Variants in CMIP observed in about 807,000 individuals in gnomAD.
The protein encoded by CMIP is c-Maf inducing protein, also known as C-Maf-inducing protein.
A neutral mutation model predicts 97.3 loss-of-function variants in CMIP; 13 were observed. The ratio of observed to expected loss-of-function variants is 0.13; its 90% confidence interval spans 0.09 to 0.21. The LOEUF is 0.21. Among genes scored for constraint, CMIP ranks in the 10% least tolerant of loss-of-function variants. The pLI, the probability that CMIP is intolerant of heterozygous loss-of-function variation, is 1.00. For missense variants in CMIP, 847 were observed against 1,024.9 expected (o/e 0.83, Z 2.37); for synonymous variants, 538 against 436.3 (o/e 1.23, Z -2.91).
At chr16:81,661,905 T>A (rs992283990) in intron 6 of CMIP, among the ~76,000 whole-genome samples, 6 of 152,100 alleles carry the variant, frequency 3.9e-5, no homozygotes, top group African/African-American at 1.4e-4. Flanking sequence ...GTGCCCAGGG[T>A]ACCTGTCAGG....
chr16:81,695,154 A>C (rs912073850), intron 13 of CMIP, among the ~76,000 whole-genome samples: 1 of 152,182 alleles, frequency 6.6e-6, no homozygotes, highest in Non-Finnish European at 1.5e-5. Flanking sequence ...GGAAGGAGCC[A>C]GCTCCCCTGG....
intron 1 of CMIP, among the ~76,000 whole-genome samples, chr16:81,548,038 G>A (rs1316019189): frequency 1.3e-5 from 2 of 152,072 alleles, no homozygotes; most frequent in Non-Finnish European, 2.9e-5. Context: ...ACAGCGGCTG[G>A]CATTTATCTA....
At chr16:81,505,733 G>A (rs142593792) in intron 1 of CMIP, among the ~76,000 whole-genome samples, 161 of 152,336 alleles carry the variant, frequency 1.1e-3, no homozygotes, top group African/African-American at 3.6e-3. Flanking sequence ...GCTCATGCCT[G>A]TAATCCCAGC....
intron 1 of CMIP, among the ~76,000 whole-genome samples, chr16:81,522,582 A>C (rs141078822): frequency 6.6e-6 from 1 of 152,264 alleles, no homozygotes; most frequent in Admixed American, 6.5e-5. Context: ...TCAGTAGGAC[A>C]TGTGGCTTCA....
intron 1 of CMIP, among the ~76,000 whole-genome samples, chr16:81,447,640 G>A (rs981205939): frequency 6.6e-5 from 10 of 152,324 alleles, no homozygotes; most frequent in African/African-American, 1.9e-4. Context: ...GCCATGCTCT[G>A]GTGTTAGGAA....
chr16:81,521,316 A>C (rs1474773234), intron 1 of CMIP, among the ~76,000 whole-genome samples: 2 of 152,004 alleles, frequency 1.3e-5, no homozygotes, highest in East Asian at 3.9e-4. Flanking sequence ...TCCTATGGTG[A>C]TGGTCGGCAG....
chr16:81,676,148 G>T (rs961036340), intron 9 of CMIP, among the ~76,000 whole-genome samples: 2 of 152,188 alleles, frequency 1.3e-5, no homozygotes, highest in Non-Finnish European at 2.9e-5. Flanking sequence ...GCGTGGCGAG[G>T]GTGAGATGGT....
chr16:81,565,920 C>A (rs1461590503), intron 1 of CMIP, among the ~76,000 whole-genome samples: 1 of 152,184 alleles, frequency 6.6e-6, no homozygotes, highest in Non-Finnish European at 1.5e-5. Context: ...GGGGGACATG[C>A]CCCTGCGCCC....
chr16:81,612,486 G>A (rs1004436476), intron 2 of CMIP, among the ~76,000 whole-genome samples: 1 of 152,188 alleles, frequency 6.6e-6, no homozygotes, highest in Admixed American at 6.5e-5. Context: ...TTCCGGTCTG[G>A]AAAGCACCAG....
intron 10 of CMIP, among the ~76,000 whole-genome samples, chr16:81,687,822 G>A (rs1371113408): frequency 1.3e-5 from 2 of 152,180 alleles, no homozygotes; most frequent in Non-Finnish European, 2.9e-5. Context: ...AGGTGGTCGG[G>A]AAGCAGCCTG....
chr16:81,602,084 TGCG>T (rs1431434888), intron 1 of CMIP, among the ~76,000 whole-genome samples: 1 of 152,212 alleles, frequency 6.6e-6, no homozygotes, highest in Non-Finnish European at 1.5e-5. Flanking sequence ...GGATGTTCAC[TGCG>T]GAGTTGTGCA....
At position 81,696,562 on chromosome 16, in the gene CMIP, C is replaced by G. The variant is rs1906741837; in HGVS notation, c.1533C>G (p.Val511=). ...TTGTGTCTTCCCTTGTCTGGCAGGT[C>G]CACTCATGCCTGCTGAGCGTGCGGG... The part of the protein sequence containing the change: ...QRFAEDPRQE[V]HSCLLSVRAG... The change falls in exon 14 of 21, where the codon GTC becomes GTG. Residue 511 remains valine (V), a splice_region_variant and synonymous_variant. Transcript: ENST00000537098. The G allele has an allele frequency of 3.1e-6, 5 of 1,603,680 alleles. No homozygotes were observed. The highest frequency in any genetic ancestry group is 2.2e-5 in the East Asian group (1 of 44,876).
intron 1 of CMIP, among the ~76,000 whole-genome samples, chr16:81,568,465 G>A (rs867487583): frequency 5.3e-5 from 8 of 152,264 alleles, no homozygotes; most frequent in Middle Eastern, 3.4e-3. Flanking sequence ...CTGGGGCCCC[G>A]GGCAAGGGCA....
intron 7 of CMIP, chr16:81,665,880 A>AC (rs144964274): frequency 2.0e-5 from 3 of 152,214 alleles, no homozygotes; most frequent in Non-Finnish European, 4.4e-5. Flanking sequence ...CCAGGCCACC[A>AC]CTACCAACTG....
intron 1 of CMIP, among the ~76,000 whole-genome samples, chr16:81,569,757 C>CA (rs1333305815): frequency 6.6e-6 from 1 of 152,256 alleles, no homozygotes; most frequent in Non-Finnish European, 1.5e-5. Context: ...GCCATAGCTT[C>CA]ACCACTGCCC....
intron 1 of CMIP, among the ~76,000 whole-genome samples, chr16:81,496,090 A>C (rs1013500449): frequency 6.6e-6 from 1 of 152,144 alleles, no homozygotes; most frequent in African/African-American, 2.4e-5. Context: ...CCAGGGTAGC[A>C]AGTGTAGTGG....
At chr16:81,475,927 C>T in intron 1 of CMIP, 2 of 404,478 alleles carry the variant, frequency 4.9e-6, no homozygotes, top group South Asian at 2.1e-5. Context: ...GCAGAGCTTG[C>T]AGTGAGCTGA....
At chr16:81,487,083 G>A (rs569169076) in intron 1 of CMIP, among the ~76,000 whole-genome samples, 4 of 152,160 alleles carry the variant, frequency 2.6e-5, no homozygotes, top group Non-Finnish European at 5.9e-5. Flanking sequence ...AGAAGGGGAC[G>A]CCTGCTGGGC....
intron 1 of CMIP, among the ~76,000 whole-genome samples, chr16:81,563,082 C>G (rs2090916088): frequency 6.6e-6 from 1 of 152,228 alleles, no homozygotes; most frequent in Admixed American, 6.5e-5. Flanking sequence ...AGAGGAAAAA[C>G]CATCTTGTTT....
Sources: gnomAD v4.1 joint callset for allele counts (sites outside exome capture counted in the v4.1 genomes callset) on GRCh38, gnomAD v4.1.1 for gene constraint, MANE v1.5 for transcripts, NCBI Gene and HGNC (gene_info 2026-07-23, HGNC 2026-07-21) for gene names.